Variants in VAV3 observed in about 807,000 individuals in gnomAD.
VAV3 encodes vav guanine nucleotide exchange factor 3, also known as guanine nucleotide exchange factor VAV3.
In VAV3, 94 loss-of-function variants were observed where a neutral mutation model predicts 131.2. The ratio of observed to expected loss-of-function variants is 0.72; its 90% confidence interval spans 0.61 to 0.85. VAV3 has a LOEUF of 0.85. Among genes scored for constraint, VAV3 ranks in the 40% least tolerant of loss-of-function variants. The pLI is 0.00. For synonymous variants in VAV3, 349 were observed against 342.0 expected (o/e 1.02, Z -0.22); for missense variants, 939 against 1,002.7 (o/e 0.94, Z 0.86).
At chr1:107,890,946 A>C (rs557344008) in intron 1 of VAV3, among the ~76,000 whole-genome samples, 16 of 152,282 alleles carry the variant, frequency 1.1e-4, no homozygotes, top group Admixed American at 6.5e-4. Context: ...TATAAGGCAG[A>C]TGTGGTGTAG....
intron 18 of VAV3, among the ~76,000 whole-genome samples, chr1:107,684,342 A>T (rs1270825666): frequency 6.6e-6 from 1 of 152,234 alleles, no homozygotes; most frequent in African/African-American, 2.4e-5. Context: ...TGACTATCAT[A>T]CAATCTAGAT....
At chr1:107,893,051 TATACAC>T (rs5776904) in intron 1 of VAV3, among the ~76,000 whole-genome samples, 100,983 of 151,104 alleles carry the variant, frequency 0.67, 34,330 homozygotes, top group Non-Finnish European at 0.74. Flanking sequence ...GAATTAAAAA[TATACAC>T]AGAGTAAAAA....
intron 19 of VAV3, among the ~76,000 whole-genome samples, chr1:107,682,652 T>TA (rs1658727210): frequency 6.6e-6 from 1 of 152,200 alleles, no homozygotes; most frequent in African/African-American, 2.4e-5. Flanking sequence ...GTTTCAGTTA[T>TA]AAACTATAAT....
chr1:107,769,039 G>A (rs553023121), intron 6 of VAV3, among the ~76,000 whole-genome samples: 1 of 152,088 alleles, frequency 6.6e-6, no homozygotes, highest in Non-Finnish European at 1.5e-5. Flanking sequence ...ATAATCTTGT[G>A]CTCCACTCTA....
intron 1 of VAV3, among the ~76,000 whole-genome samples, chr1:107,876,599 A>C (rs914893145): frequency 6.6e-6 from 1 of 152,046 alleles, no homozygotes; most frequent in African/African-American, 2.4e-5. Flanking sequence ...AGCATGGTCA[A>C]CTCATCCACA....
intron 1 of VAV3, among the ~76,000 whole-genome samples, chr1:107,918,671 TATATATTTTTAA>T (rs1318048234): frequency 3.2e-4 from 48 of 148,976 alleles, no homozygotes; most frequent in Middle Eastern, 3.5e-3. Context: ...GGCATATATA[TATATATTTTTAA>T]GGCATATATA....
At chr1:107,962,733 G>C (rs1038881118) in intron 1 of VAV3, among the ~76,000 whole-genome samples, 2 of 152,148 alleles carry the variant, frequency 1.3e-5, no homozygotes, top group African/African-American at 4.8e-5. Context: ...GGACATTACA[G>C]GAGAAACTGT....
At position 107,765,155 on chromosome 1, in the gene VAV3, T is replaced by C; in HGVS notation, c.842A>G (p.Tyr281Cys). 1 of 1,612,770 alleles carries C rather than the reference T, an allele frequency of 6.2e-7. No homozygotes were observed. Among genetic ancestry groups the C allele is most frequent in the Non-Finnish European group, 8.5e-7 (1 of 1,179,054 alleles). ...YKERLVIYGQ[Y>C]CSGVESAISS... The stretch of plus-strand genomic sequence containing the variant: ...GATGGCTGACTCCACTCCACTGCAG[T>C]ACTGCCCGTAAATAACCAATCTGAA... Residue 281 changes from tyrosine to cysteine, a missense_variant, in exon 9 of 27, where the codon TAC becomes TGC. By Grantham distance (194) the Tyr-to-Cys change is radical. Coordinates refer to ENST00000370056, the MANE Select transcript of VAV3 (RefSeq NM_006113.5).
At chr1:107,790,558 G>A (rs1276183692) in intron 2 of VAV3, among the ~76,000 whole-genome samples, 2 of 152,188 alleles carry the variant, frequency 1.3e-5, no homozygotes, top group African/African-American at 4.8e-5. Flanking sequence ...AGTTCTCTGA[G>A]GGACAGGGGA....
chr1:107,822,908 G>A (rs1005566004), intron 2 of VAV3, among the ~76,000 whole-genome samples: 1 of 152,008 alleles, frequency 6.6e-6, no homozygotes, highest in Non-Finnish European at 1.5e-5. Flanking sequence ...TCCTTGTTCT[G>A]TTAATATTAC....
At chr1:107,732,090 C>T (rs1325621682) in intron 15 of VAV3, among the ~76,000 whole-genome samples, 1 of 152,208 alleles carries the variant, frequency 6.6e-6, no homozygotes, top group African/African-American at 2.4e-5. Flanking sequence ...ATCAGCATCA[C>T]ATGCACAGGA....
At chr1:107,925,060 G>A (rs187012800) in intron 1 of VAV3, among the ~76,000 whole-genome samples, 1 of 152,276 alleles carries the variant, frequency 6.6e-6, no homozygotes, top group Admixed American at 6.5e-5. Context: ...AAATATTGCT[G>A]CATGGGACAA....
rs372688784 is a variant in VAV3 at position 107,902,504 on chromosome 1, G to A, written c.205-27487C>T. ...CCCTGTTTTCTGCCCTTTCACTATT[G>A]CCATGCACCTAAGTACCGCTAGATA... On this transcript the variant is annotated intron_variant, in intron 1 of 26. Transcript: ENST00000370056. 6.6e-5 allele frequency among the ~76,000 whole-genome samples: 10 copies of A among 152,048 alleles called. No homozygotes were observed. The South Asian group carries it at 1.7e-3, about 25-fold the overall frequency.
At chr1:107,649,111 C>T (rs1655959024) in intron 19 of VAV3, among the ~76,000 whole-genome samples, 1 of 151,990 alleles carries the variant, frequency 6.6e-6, no homozygotes, top group Admixed American at 6.6e-5. Context: ...CTGTAGAACT[C>T]TTAGAGCCTG....
At chr1:107,898,878 G>T (rs1343085377) in intron 1 of VAV3, among the ~76,000 whole-genome samples, 1 of 152,036 alleles carries the variant, frequency 6.6e-6, no homozygotes, top group African/African-American at 2.4e-5. Context: ...TAATGGGAAG[G>T]TTCTTCATTC....
intron 2 of VAV3, among the ~76,000 whole-genome samples, chr1:107,781,237 A>AATGCTTCATTAATTAATT (rs1386751237): frequency 5.9e-5 from 9 of 152,196 alleles, no homozygotes; most frequent in African/African-American, 2.2e-4. Context: ...TAAAAGAATT[A>AATGCTTCATTAATTAATT]AATGAGATCA....
chr1:107,920,487 G>C (rs1027650111), intron 1 of VAV3, among the ~76,000 whole-genome samples: 1 of 152,126 alleles, frequency 6.6e-6, no homozygotes, highest in Admixed American at 6.5e-5. Context: ...AGGGCATTTT[G>C]CTCATCTAAA....
chr1:107,715,747 G>A (rs917747015), intron 15 of VAV3, among the ~76,000 whole-genome samples: 1 of 152,272 alleles, frequency 6.6e-6, no homozygotes, highest in African/African-American at 2.4e-5. Context: ...ATCTCCCACT[G>A]TGTCAGCCTT....
At chr1:107,720,770 G>T (rs1056055147) in intron 15 of VAV3, among the ~76,000 whole-genome samples, 10 of 152,186 alleles carry the variant, frequency 6.6e-5, no homozygotes, top group African/African-American at 2.4e-4. Context: ...CTGCCATAAA[G>T]TTGAAGAGAC....
Sources: allele counts gnomAD v4.1 joint callset (sites outside exome capture counted in the v4.1 genomes callset), GRCh38; gene constraint gnomAD v4.1.1; transcripts MANE v1.5; gene names NCBI Gene and HGNC (gene_info 2026-07-23, HGNC 2026-07-21).